NOX4: variants seen among roughly 807,000 people sequenced by gnomAD.
The protein encoded by NOX4 is kidney oxidase-1.
In NOX4, 69 loss-of-function variants were observed where a neutral mutation model predicts 87.6. That is an observed-to-expected ratio of 0.79 (90% confidence interval 0.65 to 0.96). The LOEUF (loss-of-function observed/expected upper bound fraction) is 0.96. Among genes scored for constraint, NOX4 ranks in the 40% least tolerant of loss-of-function variants. NOX4 has a pLI of 0.00. For synonymous variants in NOX4, 275 were observed against 238.2 expected, an observed-to-expected ratio of 1.15 and a Z score of -1.42; for missense variants, 680 against 681.5, an observed-to-expected ratio of 1.00 and a Z score of 0.02.
intron 11 of NOX4, among the ~76,000 whole-genome samples, chr11:89,399,303 T>C (rs149060597): frequency 0.037 from 5,586 of 150,642 alleles, 199 homozygotes; most frequent in East Asian, 0.13. Flanking sequence ...TTGTTTAATG[T>C]TTCCACCTCA....
At chr11:89,362,361 CA>C (rs1938592356) in intron 12 of NOX4, among the ~76,000 whole-genome samples, 1 of 151,936 alleles carries the variant, frequency 6.6e-6, no homozygotes, top group Admixed American at 6.6e-5. Context: ...CAGAACCTTC[CA>C]GATGTTACAT....
intron 8 of NOX4, among the ~76,000 whole-genome samples, chr11:89,414,989 G>C (rs1319611606): frequency 6.6e-6 from 1 of 151,904 alleles, no homozygotes; most frequent in African/African-American, 2.4e-5. Context: ...TTCAAGAAAA[G>C]GGTAGAAGTT....
At chr11:89,404,049 A>AT (rs949489804) in intron 8 of NOX4, among the ~76,000 whole-genome samples, 4 of 125,270 alleles carry the variant, frequency 3.2e-5, no homozygotes, top group African/African-American at 1.1e-4. Context: ...ACAAACATAC[A>AT]TTTTTTTTAA....
the NOX4 span, among the ~76,000 whole-genome samples, chr11:89,555,810 TATG>T: frequency 1.3e-5 from 2 of 152,186 alleles, no homozygotes; most frequent in African/African-American, 4.8e-5. Context: ...ATATGTATTA[TATG>T]ATATTTAATA....
At chr11:89,418,458 T>TAATAAA (rs1942911956) in intron 8 of NOX4, among the ~76,000 whole-genome samples, 1 of 141,646 alleles carries the variant, frequency 7.1e-6, no homozygotes, top group African/African-American at 2.6e-5. Context: ...ATAATAATAA[T>TAATAAA]AATAAATTTA....
chr11:89,336,625 CTG>C (rs1213822288), intron 16 of NOX4, among the ~76,000 whole-genome samples: 1 of 151,946 alleles, frequency 6.6e-6, no homozygotes, highest in African/African-American at 2.4e-5. Context: ...GAGGAAGTAT[CTG>C]AGTCCCAGGC....
At chr11:89,570,115 A>G in the NOX4 span, among the ~76,000 whole-genome samples, 21 of 152,350 alleles carry the variant, frequency 1.4e-4, no homozygotes, top group African/African-American at 5.0e-4. Context: ...GACACTCATC[A>G]GTGCTGAACT....
At chr11:89,584,864 T>C in the NOX4 span, among the ~76,000 whole-genome samples, 2 of 152,134 alleles carry the variant, frequency 1.3e-5, no homozygotes, top group Admixed American at 1.3e-4. Context: ...CTAGATGCTA[T>C]ACTGTGAAAT....
intron 7 of NOX4, among the ~76,000 whole-genome samples, chr11:89,426,290 G>C (rs1304511422): frequency 1.3e-5 from 2 of 152,150 alleles, no homozygotes; most frequent in Admixed American, 6.6e-5. Context: ...ACAGCTCTCA[G>C]TGTGAGCAAC....
chr11:89,534,519 G>A, the NOX4 span, among the ~76,000 whole-genome samples: 1 of 152,072 alleles, frequency 6.6e-6, no homozygotes, highest in Non-Finnish European at 1.5e-5. Context: ...CATAATAGTT[G>A]AATTTCCCAC....
chr11:89,575,917 A>C, the NOX4 span, among the ~76,000 whole-genome samples: 1 of 152,170 alleles, frequency 6.6e-6, no homozygotes. Flanking sequence ...TTAATATCTA[A>C]AACAAAATTA....
At chr11:89,359,829 A>C (rs755881922) in intron 12 of NOX4, among the ~76,000 whole-genome samples, 2 of 152,046 alleles carry the variant, frequency 1.3e-5, no homozygotes, top group African/African-American at 2.4e-5. Context: ...AAGTCATATA[A>C]AATATTTCTA....
At chr11:89,408,218 A>T (rs1942291568) in intron 8 of NOX4, among the ~76,000 whole-genome samples, 1 of 152,204 alleles carries the variant, frequency 6.6e-6, no homozygotes, top group East Asian at 1.9e-4. Flanking sequence ...CTTATGACTT[A>T]TAATAAGTGC....
At chr11:89,457,596 T>TA (rs1360539604) in intron 2 of NOX4, among the ~76,000 whole-genome samples, 8 of 152,292 alleles carry the variant, frequency 5.3e-5, no homozygotes, top group Non-Finnish European at 8.8e-5. Context: ...CCAGGAGTGC[T>TA]AAGCTGATCC....
At chr11:89,450,600 T>A (rs534932311) in intron 3 of NOX4, among the ~76,000 whole-genome samples, 24 of 152,122 alleles carry the variant, frequency 1.6e-4, no homozygotes, top group African/African-American at 5.5e-4. Context: ...ACTTTAAGTT[T>A]TAGGGTACAT....
the NOX4 span, among the ~76,000 whole-genome samples, chr11:89,587,276 A>G: frequency 6.6e-6 from 1 of 152,156 alleles, no homozygotes; most frequent in Non-Finnish European, 1.5e-5. Flanking sequence ...TTCCAAGGAG[A>G]CTATTAAAAT....
chr11:89,541,228 T>C, the NOX4 span, among the ~76,000 whole-genome samples: 1 of 152,238 alleles, frequency 6.6e-6, no homozygotes, highest in Non-Finnish European at 1.5e-5. Flanking sequence ...AAATTCTGCC[T>C]GGAATTGTCT....
At chr11:89,549,668 G>A in the NOX4 span, among the ~76,000 whole-genome samples, 1 of 152,124 alleles carries the variant, frequency 6.6e-6, no homozygotes, top group Non-Finnish European at 1.5e-5. Flanking sequence ...AGGCCCCAGT[G>A]TGTGATGTTC....
chr11:89,482,156 A>G (rs1946417283), intron 2 of NOX4, among the ~76,000 whole-genome samples: 1 of 152,090 alleles, frequency 6.6e-6, no homozygotes, highest in Non-Finnish European at 1.5e-5. Flanking sequence ...AAGCTCGACA[A>G]ACCTCTAAGG....
Sources: allele counts gnomAD v4.1 joint callset (sites outside exome capture counted in the v4.1 genomes callset), GRCh38; gene constraint gnomAD v4.1.1; transcripts MANE v1.5; gene names NCBI Gene and HGNC (gene_info 2026-07-23, HGNC 2026-07-21).